The following ZSCAN5A variants were observed in gnomAD, a reference collection of about 807,000 sequenced individuals.
ZSCAN5A encodes the protein zinc finger and SCAN domain containing 5A.
Under a neutral mutation model 23.7 loss-of-function variants are expected in ZSCAN5A, and 12 were observed. The ratio of observed to expected loss-of-function variants is 0.51; its 90% CI spans 0.32 to 0.82. ZSCAN5A has a LOEUF of 0.82. Ranked by LOEUF, ZSCAN5A falls within the 40% of genes least tolerant of loss-of-function variation. The pLI, the probability that ZSCAN5A is intolerant of heterozygous loss-of-function variation, is 0.03. For synonymous variants in ZSCAN5A, 257 were observed against 239.9 expected, an observed-to-expected ratio of 1.07 and a Z score of -0.66; for missense variants, 597 against 617.9, an observed-to-expected ratio of 0.97 and a Z score of 0.36.
rs543259829 is a variant in ZSCAN5A, at chr19:56,301,984, C to G, written c.-128+11299G>C. 4.3e-5 allele frequency: 53 copies of G among 1,232,148 alleles called. No individual in the cohort carries two copies. The East Asian group carries it at 1.6e-3, about 37-fold the overall frequency. The allele number at this position is 1,232,148 out of a possible 1,614,324, so 76.3% of individuals were successfully genotyped here. On this transcript the variant is annotated intron_variant, in intron 2 of 5. Coordinates refer to ENST00000683990, the MANE Select transcript of ZSCAN5A (RefSeq NM_001322064.3). ...TCTCTCCAGTTAAACCCTTCTCAGG[C>G]ACCACCCCATCCAGGAAACCACTCC...
In ZSCAN5A at chr19:56,294,972, G is replaced by A. The variant is rs1036410499; in HGVS notation, c.-128+18311C>T. ...CAGCTTAGTGGTTGCCTAGGACCGCGGGAGAGGGGGGTGAGCCCAGAGAGA... is the reference window on the plus strand; with the variant it reads ...CAGCTTAGTGGTTGCCTAGGACCGCAGGAGAGGGGGGTGAGCCCAGAGAGA... On this transcript the variant is annotated intron_variant, in intron 2 of 5. Transcript: ENST00000683990. 4 of 152,244 alleles carry A rather than the reference G, an allele frequency of 2.6e-5. No individual in the cohort carries two copies. In the South Asian group the frequency reaches 8.3e-4, roughly 32 times the overall value. The allele number at this position is 152,244 out of a possible 1,614,324, so 9.4% of individuals were successfully genotyped here. A position where few individuals can be genotyped will look rare whatever the true frequency, so the allele number is the denominator to read the frequency against.
At chr19:56,329,562 C>T (rs907050749) in intron 2 of ZSCAN5A, among the ~76,000 whole-genome samples, 1 of 151,536 alleles carries the variant, frequency 6.6e-6, no homozygotes, top group Non-Finnish European at 1.5e-5. Flanking sequence ...ATTCTGTACT[C>T]TAATCCCAAA....
At chr19:56,297,488 C>T (rs1179123644) in intron 2 of ZSCAN5A, 1 of 981,498 alleles carries the variant, frequency 1.0e-6, no homozygotes, top group East Asian at 1.1e-4. Context: ...TTTTCTCCTC[C>T]ATCTCTTCAT....
chr19:56,321,079 T>C (rs768627436), intron 2 of ZSCAN5A: 10 of 700,162 alleles, frequency 1.4e-5, no homozygotes, highest in Non-Finnish European at 2.7e-5. Context: ...AGACTGAGTA[T>C]CTGCAGATTT....
intron 2 of ZSCAN5A, among the ~76,000 whole-genome samples, chr19:56,303,940 C>T (rs1027495502): frequency 6.6e-6 from 1 of 152,134 alleles, no homozygotes; most frequent in African/African-American, 2.4e-5. Flanking sequence ...TGAGTACCTT[C>T]GAGGAACCAA....
At chr19:56,279,152 C>T (rs1018170679) in intron 2 of ZSCAN5A, among the ~76,000 whole-genome samples, 1 of 152,214 alleles carries the variant, frequency 6.6e-6, no homozygotes, top group African/African-American at 2.4e-5. Flanking sequence ...CTTAGTCAAG[C>T]TGACACCCCA....
intron 2 of ZSCAN5A, among the ~76,000 whole-genome samples, chr19:56,273,287 T>A (rs2037991262): frequency 6.6e-6 from 1 of 152,182 alleles, no homozygotes; most frequent in African/African-American, 2.4e-5. Flanking sequence ...GAAGTCAACA[T>A]TACCATAGTT....
chr19:56,321,197 G>C (rs1239759614), intron 2 of ZSCAN5A: 1 of 663,654 alleles, frequency 1.5e-6, no homozygotes, highest in East Asian at 3.1e-5. Context: ...TCAAAATGAA[G>C]TTAATATCTT....
chr19:56,365,972 A>C (rs1249369124), intron 1 of ZSCAN5A: 1 of 152,040 alleles, frequency 6.6e-6, no homozygotes, highest in Non-Finnish European at 1.5e-5. Flanking sequence ...GAGGAAGAGT[A>C]GCCATTTTGA....
chr19:56,344,575 A>G (rs1300241232), intron 2 of ZSCAN5A, among the ~76,000 whole-genome samples: 1 of 151,826 alleles, frequency 6.6e-6, no homozygotes, highest in African/African-American at 2.4e-5. Context: ...GATCGAGACC[A>G]TCCTGGCTAA....
intron 1 of ZSCAN5A, chr19:56,365,874 C>T (rs1364789992): frequency 6.6e-6 from 1 of 152,230 alleles, no homozygotes; most frequent in African/African-American, 2.4e-5. Context: ...GCTATCTTTA[C>T]ACTTTCGTGA....
intron 2 of ZSCAN5A, chr19:56,244,014 G>A: frequency 1.3e-6 from 1 of 774,930 alleles, no homozygotes; most frequent in Non-Finnish European, 2.2e-6. Flanking sequence ...AACTTTCTCA[G>A]AGACTGACTG....
intron 2 of ZSCAN5A, chr19:56,281,777 G>C: frequency 1.2e-6 from 1 of 861,486 alleles, no homozygotes; most frequent in Non-Finnish European, 1.4e-6. Flanking sequence ...GAAAGAGAGA[G>C]GCAAAACTGC....
rs191188539 is a variant in ZSCAN5A at position 56,273,713 on chromosome 19, G to A, written c.-128+39570C>T. 1.3e-4 allele frequency among the ~76,000 whole-genome samples: 20 copies of A among 152,286 alleles called. No homozygotes were observed. In the East Asian group the frequency reaches 3.5e-3, roughly 26 times the overall value. On this transcript the variant is annotated intron_variant, in intron 2 of 5. Transcript: ENST00000683990. ...CGTGGTAGGCAGAAGGAGGGGCATG[G>A]TGGTGAGACTGTTACAAGTAAGAAG...
At chr19:56,237,007 GGGGTGTAGCCAAT>G (rs1259388584) in intron 2 of ZSCAN5A, among the ~76,000 whole-genome samples, 1 of 152,202 alleles carries the variant, frequency 6.6e-6, no homozygotes, top group African/African-American at 2.4e-5. Flanking sequence ...AGTCCTTCAC[GGGGTGTAGCCAAT>G]GGGAGGCCTG....
chr19:56,248,178 C>CGGA (rs1248880268), intron 2 of ZSCAN5A, among the ~76,000 whole-genome samples: 31 of 152,074 alleles, frequency 2.0e-4, no homozygotes, highest in Admixed American at 1.8e-3. Context: ...TTAGTATCAG[C>CGGA]TTGTTCTAAA....
At chr19:56,244,475 G>A in intron 2 of ZSCAN5A, 4 of 1,539,260 alleles carry the variant, frequency 2.6e-6, no homozygotes, top group Non-Finnish European at 3.5e-6. Flanking sequence ...CTGGGATGGG[G>A]GCTGCACGGT....
intron 2 of ZSCAN5A, among the ~76,000 whole-genome samples, chr19:56,311,238 C>T (rs2041017285): frequency 6.6e-6 from 1 of 152,134 alleles, no homozygotes; most frequent in African/African-American, 2.4e-5. Context: ...ATCCCTATAG[C>T]CATCTTGCTC....
intron 2 of ZSCAN5A, among the ~76,000 whole-genome samples, chr19:56,239,315 C>T (rs1423997832): frequency 6.6e-6 from 1 of 152,224 alleles, no homozygotes; most frequent in Non-Finnish European, 1.5e-5. Flanking sequence ...AATCAGTCAG[C>T]GGATGCTGCG....
Sources: gnomAD v4.1 joint callset for allele counts (sites outside exome capture counted in the v4.1 genomes callset) on GRCh38, gnomAD v4.1.1 for gene constraint, MANE v1.5 for transcripts, NCBI Gene and HGNC (gene_info 2026-07-23, HGNC 2026-07-21) for gene names.